Variants in PDXDC1 observed in about 807,000 individuals in gnomAD.
PDXDC1 encodes pyridoxal-dependent decarboxylase domain-containing protein 1.
PDXDC1 carries 42 observed loss-of-function variants against 100.1 expected under a neutral mutation model. That is an observed-to-expected ratio of 0.42 (90% CI 0.33 to 0.54). The LOEUF (loss-of-function observed/expected upper bound fraction) is 0.54, where lower values mean the gene tolerates loss of function less well. PDXDC1 is among the 20% of genes least tolerant of loss of function. The pLI, the probability that PDXDC1 is intolerant of heterozygous loss-of-function variation, is 0.10. For missense variants in PDXDC1, 636 were observed against 979.2 expected, an observed-to-expected ratio of 0.65 and a Z score of 4.68; for synonymous variants, 260 against 371.7, an observed-to-expected ratio of 0.70 and a Z score of 3.46.
intron 16 of PDXDC1, chr16:15,084,830 C>T (rs1193556703): frequency 9.7e-6 from 7 of 724,122 alleles, no homozygotes; most frequent in Admixed American, 2.2e-5. Flanking sequence ...CTTTGGGAGG[C>T]CGAGGTGGGT....
chr16:15,088,124 A>T (rs928513222), intron 16 of PDXDC1, among the ~76,000 whole-genome samples: 4 of 150,604 alleles, frequency 2.7e-5, no homozygotes, highest in Non-Finnish European at 5.9e-5. Context: ...CTCAAAAAGA[A>T]AAAAAAAAAG....
rs563198840 is a variant in PDXDC1 at position 15,124,699 on chromosome 16, G to A, written c.1400-14180G>A. On this transcript the variant is annotated intron_variant, in intron 16 of 16. Transcript: ENST00000535621. Reference sequence around the variant, plus strand: ...AGGCAGGAGAACAGTTTGAACCCGGGAGGCAGAGTCTGCAGTGAGCCGAGA... The same window carrying A: ...AGGCAGGAGAACAGTTTGAACCCGGAAGGCAGAGTCTGCAGTGAGCCGAGA... Among the ~76,000 whole-genome samples the A allele has an allele frequency of 2.9e-3, 439 of 151,952 alleles. 1 individual carries two copies. Among genetic ancestry groups the A allele is most frequent in the African/African-American group, 0.01 (420 of 41,530 alleles).
At chr16:15,044,424 A>C in intron 16 of PDXDC1, 1 of 1,595,186 alleles carries the variant, frequency 6.3e-7, no homozygotes, top group Non-Finnish European at 8.6e-7. Context: ...AAGAGATGAG[A>C]CGGGTCAGAG....
chr16:15,036,512 C>A lies in PDXDC1; in HGVS notation c.*237C>A. On this transcript the variant is annotated 3_prime_UTR_variant, in exon 23 of 23. Coordinates refer to ENST00000396410, the MANE Select transcript of PDXDC1 (RefSeq NM_015027.4). ...CTACTACGACTTTTCCCTAAGTTAC[C>A]ATAAACACATTTTATTCACAAAAAA... 1 of 538,620 alleles carries A rather than the reference C, an allele frequency of 1.9e-6. No homozygotes were observed. The highest frequency in any genetic ancestry group is 3.3e-6 in the Non-Finnish European group (1 of 307,194). The allele number at this position is 538,620 out of a possible 1,614,324, so 33.4% of individuals were successfully genotyped here.
rs201749474 is a variant in PDXDC1 at position 15,035,269 on chromosome 16, C to G, written c.2003-180C>G. 1.4e-4 allele frequency among the ~76,000 whole-genome samples: 22 copies of G among 152,248 alleles called. No homozygotes were observed. The East Asian group carries it at 4.2e-3, about 29-fold the overall frequency. On this transcript the variant is annotated intron_variant, in intron 21 of 22. Transcript: ENST00000396410. Reference sequence around the variant, plus strand: ...GCTGGCGGATGCTGGCGGTACTGGCCCTGTGAGGTGGCTTTCTCTAGCTCA... The same window carrying G: ...GCTGGCGGATGCTGGCGGTACTGGCGCTGTGAGGTGGCTTTCTCTAGCTCA...
chr16:14,975,242 T>A lies in PDXDC1; in HGVS notation c.21+22T>A, dbSNP rs1181387995. 8 of 1,414,844 alleles carry A rather than the reference T, an allele frequency of 5.7e-6. No individual in the cohort carries two copies. In the Admixed American group the frequency reaches 1.0e-4, roughly 18 times the overall value. 87.6% of individuals were successfully genotyped at this position (1,414,844 alleles called of 1,614,324 possible). A position where few individuals can be genotyped will look rare whatever the true frequency, so the allele number is the denominator to read the frequency against. Reference sequence around the variant, plus strand: ...GAAGGTCCGTGCCGGGAGGGGGCGATGGGGACGGTGCTGCGGCCCGGGGCT... The same window carrying A: ...GAAGGTCCGTGCCGGGAGGGGGCGAAGGGGACGGTGCTGCGGCCCGGGGCT... On this transcript the variant is annotated intron_variant, in intron 1 of 22. Coordinates refer to ENST00000396410, the MANE Select transcript of PDXDC1 (RefSeq NM_015027.4).
rs751664373 is a variant in PDXDC1, at chr16:15,125,665, C to T, written c.1400-13214C>T. 11 of 1,310,790 alleles carry T rather than the reference C, an allele frequency of 8.4e-6. 1 individual carries two copies. In the South Asian group the frequency reaches 1.3e-4, roughly 15 times the overall value. The allele number at this position is 1,310,790 out of a possible 1,614,324, so 81.2% of individuals were successfully genotyped here. A position where few individuals can be genotyped will look rare whatever the true frequency, so the allele number is the denominator to read the frequency against. On this transcript the variant is annotated intron_variant, in intron 16 of 16. Coordinates refer to the PDXDC1 transcript ENST00000535621. ...CAAGGCGGCAGGACCCCCAGCCCAG[C>T]CCAGGACCCCCAGTAGAGCCCTCAC...
chr16:15,048,235 G>A lies in PDXDC1; in HGVS notation c.1399+18179G>A, dbSNP rs532398300. Reference sequence around the variant, plus strand: ...GGGGAGTGTGTTAGTGGACAGAGAGGCTCAAAGAAAAAGGCAGCAGCCACG... The same window carrying A: ...GGGGAGTGTGTTAGTGGACAGAGAGACTCAAAGAAAAAGGCAGCAGCCACG... On this transcript the variant is annotated intron_variant, in intron 16 of 16. Transcript: ENST00000535621. The A allele has an allele frequency of 2.3e-4, 143 of 625,022 alleles. 1 individual carries two copies. In the East Asian group the frequency reaches 3.8e-3, roughly 17 times the overall value. 38.7% of individuals were successfully genotyped at this position (625,022 alleles called of 1,614,324 possible). A position where few individuals can be genotyped will look rare whatever the true frequency, so the allele number is the denominator to read the frequency against.
chr16:15,105,177 T>C (rs1355608457), intron 16 of PDXDC1, among the ~76,000 whole-genome samples: 1 of 126,872 alleles, frequency 7.9e-6, no homozygotes, highest in Non-Finnish European at 1.7e-5. Context: ...AAGAGAGGCA[T>C]GAAAAGCCCA....
rs537914315 is a variant in PDXDC1 at position 15,017,550 on chromosome 16, T to A, written c.963+128T>A. The A allele has an allele frequency of 7.9e-4, 582 of 735,168 alleles. No individual in the cohort carries two copies. The African/African-American group carries it at 8.2e-3, about 10-fold the overall frequency. The allele number at this position is 735,168 out of a possible 1,614,324, so 45.5% of individuals were successfully genotyped here. A position where few individuals can be genotyped will look rare whatever the true frequency, so the allele number is the denominator to read the frequency against. On this transcript the variant is annotated intron_variant, in intron 11 of 22. Coordinates refer to ENST00000396410, the MANE Select transcript of PDXDC1 (RefSeq NM_015027.4). Reference sequence around the variant, plus strand: ...TAATTTCACTTCTATTTCATTTTTTTAAAGAGAAACTTGTGAGACTTTTTT... The same window carrying A: ...TAATTTCACTTCTATTTCATTTTTTAAAAGAGAAACTTGTGAGACTTTTTT...
At position 15,103,230 on chromosome 16, in the gene PDXDC1, GC is replaced by G. The variant is rs2046627155; in HGVS notation, c.1400-35646del. The stretch of plus-strand genomic sequence containing the variant: ...GAGAGCTTCACCCACCTGCTGTCCT[GC>G]CCATGTGACATCCGCAGGTGCTGCC... On this transcript the variant is annotated intron_variant, in intron 16 of 16. Transcript: ENST00000535621. 4.4e-5 allele frequency: 26 copies of G among 591,678 alleles called. No homozygotes were observed. In the South Asian group the frequency reaches 5.2e-4, roughly 12 times the overall value. The allele number at this position is 591,678 out of a possible 1,614,324, so 36.7% of individuals were successfully genotyped here. A position where few individuals can be genotyped will look rare whatever the true frequency, so the allele number is the denominator to read the frequency against.
chr16:14,980,976 G>A (rs1234990549), intron 1 of PDXDC1, among the ~76,000 whole-genome samples: 1 of 152,290 alleles, frequency 6.6e-6, no homozygotes, highest in Non-Finnish European at 1.5e-5. Context: ...GACACAAGGT[G>A]AGTAAGATGT....
At chr16:15,144,130 G>A (rs1454083080), downstream of PDXDC1, among the ~76,000 whole-genome samples, 1 of 152,150 alleles carries the variant, frequency 6.6e-6, no homozygotes, top group Non-Finnish European at 1.5e-5. Context: ...CCAGCAAGAG[G>A]ACCCCCAGGC....
chr16:15,142,100 C>T (rs531875506), downstream of PDXDC1, among the ~76,000 whole-genome samples: 252 of 152,198 alleles, frequency 1.7e-3, 3 homozygotes, highest in Admixed American at 3.7e-3. Flanking sequence ...ACCCAGGCCA[C>T]GGGAGAAAGG....
At chr16:15,041,530 C>T (rs2043815705), downstream of PDXDC1, 3 of 848,512 alleles carry the variant, frequency 3.5e-6, no homozygotes, top group South Asian at 4.0e-5. Flanking sequence ...GCAGTGACAG[C>T]AGTGTGTGCC....
chr16:15,035,687 C>A, intron 22 of PDXDC1, 134 bp downstream of exon 22: 1 of 603,332 alleles, frequency 1.7e-6, no homozygotes. Context: ...CTTTAACCAT[C>A]TTGGTAGCCG....
At chr16:15,132,573 G>A (rs1363084162) in intron 16 of PDXDC1, 2 of 659,434 alleles carry the variant, frequency 3.0e-6, no homozygotes, top group East Asian at 2.7e-5. Flanking sequence ...GGCTACTGAA[G>A]CAGGTCAGAG....
intron 16 of PDXDC1, chr16:15,074,615 A>G: frequency 1.3e-6 from 1 of 766,590 alleles, no homozygotes; most frequent in Non-Finnish European, 2.0e-6. Context: ...TACTCAATAG[A>G]TATTTTTACA....
intron 16 of PDXDC1, among the ~76,000 whole-genome samples, chr16:15,087,583 C>T (rs2045958052): frequency 6.6e-6 from 1 of 152,148 alleles, no homozygotes; most frequent in South Asian, 2.1e-4. Context: ...CAACCATTTT[C>T]TGATGAAATC....
Sources: gnomAD v4.1 joint callset for allele counts (sites outside exome capture counted in the v4.1 genomes callset) on GRCh38, gnomAD v4.1.1 for gene constraint, MANE v1.5 for transcripts, NCBI Gene and HGNC (gene_info 2026-07-23, HGNC 2026-07-21) for gene names.